Variants in OR4C11 observed in about 807,000 individuals in gnomAD.
OR4C11 encodes the protein olfactory receptor family 4 subfamily C member 11.
In OR4C11, 15 loss-of-function variants were observed where a neutral mutation model predicts 14.7. The observed-to-expected ratio is 1.02, with a 90% CI of 0.68 to 1.58. The LOEUF (loss-of-function observed/expected upper bound fraction) is 1.58. Among genes scored for constraint, OR4C11 ranks in the 40% most tolerant of loss-of-function variants. The probability of loss-of-function intolerance (pLI) is 0.00; values close to 1 mark genes in which losing one functional copy is unlikely to be tolerated. For synonymous variants in OR4C11, 146 were observed against 135.0 expected (o/e 1.08, Z -0.57); for missense variants, 473 against 383.0 (o/e 1.24, Z -1.96).
In OR4C11 at chr11:55,604,029, G is replaced by T. The variant is rs1025589753; in HGVS notation, c.345C>A (p.Leu115=). Residue 115 remains leucine, a synonymous_variant, in exon 4 of 4, where the codon CTC becomes CTA. Coordinates refer to ENST00000641580, the MANE Select transcript of OR4C11 (RefSeq NM_001004700.3). Reference sequence around the variant, plus strand: ...TGGCCACATAGCGATCAACAGCCATGAGAATGAGGACAAAGATCTCCATGC... The same window carrying T: ...TGGCCACATAGCGATCAACAGCCATTAGAATGAGGACAAAGATCTCCATGC... ...FGCMEIFVLI[L]MAVDRYVAIC... is the part of the protein sequence containing the mutation. The T allele has an allele frequency of 3.4e-6, 5 of 1,486,836 alleles. 1 individual carries two copies. Among genetic ancestry groups the T allele is most frequent in the Non-Finnish European group, 4.6e-6 (5 of 1,092,312 alleles). The allele number at this position is 1,486,836 out of a possible 1,614,324, so 92.1% of individuals were successfully genotyped here.
At position 55,604,204 on chromosome 11, in the gene OR4C11, A is replaced by T. The variant is rs142989729; in HGVS notation, c.170T>A (p.Met57Lys). 574 of 1,483,036 alleles carry T rather than the reference A, an allele frequency of 3.9e-4. 117 individuals are homozygous for T. The highest frequency in any genetic ancestry group is 5.1e-4 in the Non-Finnish European group (554 of 1,089,566). 91.9% of individuals were successfully genotyped at this position (1,483,036 alleles called of 1,614,324 possible). Residue 57 changes from methionine to lysine, a missense_variant, in exon 4 of 4, where the codon ATG (methionine) becomes AAG (lysine). Transcript: ENST00000641580. ...GGACAAATAAAATAGAAAGAAGTAC[A>T]TGGGGCTTCCTAGTGTCCGGCTGGA... is the stretch of plus-strand genomic sequence containing the variant. Reference protein sequence around the residue: ...IKSSRTLGSPMYFFLFYLSFA... With the variant: ...IKSSRTLGSPKYFFLFYLSFA...
intron 2 of OR4C11, 65 bp downstream of exon 2, chr11:55,606,457 T>C (rs567534571): frequency 7.2e-6 from 1 of 138,610 alleles, no homozygotes; most frequent in African/African-American, 2.5e-5. Flanking sequence ...AAATATTCAC[T>C]TTGGTAGTAT....
At position 55,602,926 on chromosome 11, in the gene OR4C11, G is replaced by A. The variant is rs1441604857; in HGVS notation, c.*515C>T. 1 of 139,024 alleles carries A rather than the reference G, an allele frequency of 7.2e-6. No individual in the cohort carries two copies. Among genetic ancestry groups the A allele is most frequent in the African/African-American group, 2.5e-5 (1 of 39,980 alleles). 8.6% of individuals were successfully genotyped at this position (139,024 alleles called of 1,614,324 possible). Reference sequence around the variant, plus strand: ...GAAGGAATTTGACATTTCTTTGTTGGTGCTCACAAATTTGAACACTTGTGA... The same window carrying A: ...GAAGGAATTTGACATTTCTTTGTTGATGCTCACAAATTTGAACACTTGTGA... On this transcript the variant is annotated 3_prime_UTR_variant, in exon 4 of 4. Coordinates refer to ENST00000641580, the MANE Select transcript of OR4C11 (RefSeq NM_001004700.3).
rs764854044 is a variant in OR4C11 at position 55,603,401 on chromosome 11, C to T, written c.*40G>A. On this transcript the variant is annotated 3_prime_UTR_variant, in exon 4 of 4. Transcript: ENST00000641580. ...GCTGTCTATACTTACTCTGTTAAAT[C>T]ATGATTTGACTGAAAAAGTAATCAG... The T allele has an allele frequency of 8.0e-6, 8 of 1,003,100 alleles. No homozygotes were observed. The African/African-American group carries it at 1.3e-4, about 16-fold the overall frequency. 62.1% of individuals were successfully genotyped at this position (1,003,100 alleles called of 1,614,324 possible).
chr11:55,604,013 AGC>A lies in OR4C11; in HGVS notation c.359_360del (p.Arg120LeufsTer6), dbSNP rs1857925247. 3 of 1,487,458 alleles carry A rather than the reference AGC, an allele frequency of 2.0e-6. No homozygotes were observed. Among genetic ancestry groups the A allele is most frequent in the Non-Finnish European group, 2.7e-6 (3 of 1,093,400 alleles). 92.1% of individuals were successfully genotyped at this position (1,487,458 alleles called of 1,614,324 possible). A position where few individuals can be genotyped will look rare whatever the true frequency, so the allele number is the denominator to read the frequency against. ...IFVLILMAVDRYVAICKPLRY... is the reference protein window; with the variant it reads ...IFVLILMAVDXYVAICKPLRY... ...CGCAAGGGCTTACAGATGGCCACAT[AGC>A]GATCAACAGCCATGAGAATGAGGAC... On this transcript the variant is annotated frameshift_variant, in exon 4 of 4. Coordinates refer to ENST00000641580, the MANE Select transcript of OR4C11 (RefSeq NM_001004700.3). LOFTEE classifies it high-confidence loss of function.
Position 55,605,194 on chromosome 11 carries a change from T to C in OR4C11, c.-113A>G, listed in dbSNP as rs1857944439. 7.2e-6 allele frequency: 1 copy of C among 139,092 alleles called. No homozygotes were observed. The highest frequency in any genetic ancestry group is 2.3e-4 in the South Asian group (1 of 4,344). The allele number at this position is 139,092 out of a possible 1,614,324, so 8.6% of individuals were successfully genotyped here. A position where few individuals can be genotyped will look rare whatever the true frequency, so the allele number is the denominator to read the frequency against. On this transcript the variant is annotated 5_prime_UTR_variant, in exon 3 of 4. Transcript: ENST00000641580. ...TATTATTCAACTTTGTACTGCTTTG[T>C]TATACTGTGTTGTCCAAAGTTAAAT...
rs541170733 is a variant in OR4C11 at position 55,607,092 on chromosome 11, C to G, written c.-365+195G>C. Among the ~76,000 whole-genome samples the G allele has an allele frequency of 2.2e-5, 3 of 138,340 alleles. 1 individual carries two copies. The highest frequency in any genetic ancestry group is 4.7e-4 in the East Asian group (2 of 4,220). The allele number at this position is 138,340 out of a possible 152,430, so 90.8% of individuals were successfully genotyped here. A position where few individuals can be genotyped will look rare whatever the true frequency, so the allele number is the denominator to read the frequency against. ...TTTAGCTGCATTAAGGAGAAGGAAG[C>G]CAGCATCCTACCGTGGGCGACATCA... is the stretch of plus-strand genomic sequence containing the variant. On this transcript the variant is annotated intron_variant, in intron 1 of 3. Coordinates refer to ENST00000641580, the MANE Select transcript of OR4C11 (RefSeq NM_001004700.3).
In OR4C11 at chr11:55,604,174, G is replaced by A; in HGVS notation, c.200C>T (p.Ala67Val). The change falls in exon 4 of 4, where the codon GCA becomes GTA. Residue 67 changes from alanine to valine, a missense_variant. Transcript: ENST00000641580. ...TGTGGAAGTTGAAAAGCAAGAATCTGCAAAGGACAAATAAAATAGAAAGAA... is the reference window on the plus strand; with the variant it reads ...TGTGGAAGTTGAAAAGCAAGAATCTACAAAGGACAAATAAAATAGAAAGAA... ...MYFFLFYLSF[A>V]DSCFSTSTAP... 3 of 1,473,446 alleles carry A rather than the reference G, an allele frequency of 2.0e-6. 1 individual carries two copies. The allele number at this position is 1,473,446 out of a possible 1,614,324, so 91.3% of individuals were successfully genotyped here. A position where few individuals can be genotyped will look rare whatever the true frequency, so the allele number is the denominator to read the frequency against.
chr11:55,603,954 G>A lies in OR4C11; in HGVS notation c.420C>T (p.Ile140=), dbSNP rs1205938479. 6 of 1,489,580 alleles carry A rather than the reference G, an allele frequency of 4.0e-6. 2 individuals are homozygous for A. Among genetic ancestry groups the A allele is most frequent in the Non-Finnish European group, 5.5e-6 (6 of 1,095,748 alleles). 92.3% of individuals were successfully genotyped at this position (1,489,580 alleles called of 1,614,324 possible). Residue 140 remains isoleucine, a synonymous_variant, in exon 4 of 4, where the codon ATC becomes ATT. Transcript: ENST00000641580. ...CTATCCAGGCAAGAACAATCAGGAT[G>A]ATGCAGACCTGCTGGCTCATGATGG... is the stretch of plus-strand genomic sequence containing the variant. ...YPTIMSQQVC[I]ILIVLAWIGS...
Position 55,607,105 on chromosome 11 carries a change from G to A in OR4C11, c.-365+182C>T, listed in dbSNP as rs576601226. On this transcript the variant is annotated intron_variant, in intron 1 of 3. Coordinates refer to ENST00000641580, the MANE Select transcript of OR4C11 (RefSeq NM_001004700.3). The stretch of plus-strand genomic sequence containing the variant: ...AGGAGAAGGAAGCCAGCATCCTACC[G>A]TGGGCGACATCATCACCTTCATGGA... Among the ~76,000 whole-genome samples, 15 of 138,116 alleles carry A rather than the reference G, an allele frequency of 1.1e-4. 3 individuals carry two copies. Among genetic ancestry groups the A allele is most frequent in the Admixed American group, 2.4e-4 (3 of 12,708 alleles). The allele number at this position is 138,116 out of a possible 152,430, so 90.6% of individuals were successfully genotyped here.
In OR4C11 at chr11:55,604,314, C is replaced by T. The variant is rs1329731539; in HGVS notation, c.60G>A (p.Leu20=). The T allele has an allele frequency of 1.1e-5, 16 of 1,425,972 alleles. 4 individuals are homozygous for T. In the East Asian group the frequency reaches 3.4e-4, roughly 30 times the overall value. 88.3% of individuals were successfully genotyped at this position (1,425,972 alleles called of 1,614,324 possible). A position where few individuals can be genotyped will look rare whatever the true frequency, so the allele number is the denominator to read the frequency against. The change falls in exon 4 of 4, where the codon TTG becomes TTA. Residue 20 remains leucine, a synonymous_variant. Transcript: ENST00000641580. Reference sequence around the variant, plus strand: ...AGATTACAAACACTATTTTCTGCCTCAAGGGATCCTGTGTTAATCCTAACA... The same window carrying T: ...AGATTACAAACACTATTTTCTGCCTTAAGGGATCCTGTGTTAATCCTAACA... ...FILLGLTQDP[L]RQKIVFVIFL...
intron 1 of OR4C11, among the ~76,000 whole-genome samples, chr11:55,607,044 T>C (rs1429450579): frequency 7.2e-6 from 1 of 138,762 alleles, no homozygotes; most frequent in Non-Finnish European, 1.6e-5. Flanking sequence ...ATCCAAATCA[T>C]TAATGTTTTA....
intron 3 of OR4C11, 42 bp from the exon 4 acceptor site, chr11:55,604,459 A>G: frequency 1.8e-6 from 1 of 558,572 alleles, no homozygotes; most frequent in Non-Finnish European, 2.9e-6. Flanking sequence ...TTTAGAGGTC[A>G]AATACATATT....
At chr11:55,605,564 T>C (rs1857950260) in intron 2 of OR4C11, among the ~76,000 whole-genome samples, 2 of 138,608 alleles carry the variant, frequency 1.4e-5, no homozygotes, top group South Asian at 2.3e-4. Context: ...CACATATATA[T>C]TCCAAATAGC....
chr11:55,602,604 G>C lies in OR4C11; in HGVS notation c.*837C>G, dbSNP rs1291038743. 1 of 138,040 alleles carries C rather than the reference G, an allele frequency of 7.2e-6. No individual in the cohort carries two copies. The highest frequency in any genetic ancestry group is 2.4e-4 in the East Asian group (1 of 4,184). The allele number at this position is 138,040 out of a possible 1,614,324, so 8.6% of individuals were successfully genotyped here. On this transcript the variant is annotated 3_prime_UTR_variant, in exon 4 of 4. Coordinates refer to ENST00000641580, the MANE Select transcript of OR4C11 (RefSeq NM_001004700.3). The stretch of plus-strand genomic sequence containing the variant: ...TTTAGGGAGAACCCACTAGAGACAA[G>C]TGTCCTGAGTGTTTTCTGAATTCCT...
At chr11:55,606,286 A>G (rs142468144) in intron 2 of OR4C11, among the ~76,000 whole-genome samples, 1 of 138,404 alleles carries the variant, frequency 7.2e-6, no homozygotes, top group Non-Finnish European at 1.6e-5. Context: ...TTGCATGCTT[A>G]GAATTGTAAC....
rs148062468 is a variant in OR4C11, at chr11:55,603,868, G to T, written c.506C>A (p.Pro169His). 63 of 1,491,420 alleles carry T rather than the reference G, an allele frequency of 4.2e-5. 5 individuals are homozygous for T. The African/African-American group carries it at 6.5e-4, about 15-fold the overall frequency. The allele number at this position is 1,491,420 out of a possible 1,614,324, so 92.4% of individuals were successfully genotyped here. A position where few individuals can be genotyped will look rare whatever the true frequency, so the allele number is the denominator to read the frequency against. The change falls in exon 4 of 4, where the codon CCC (proline) becomes CAC (histidine). Residue 169 changes from proline to histidine, a missense_variant. Physicochemically the swap from Pro to His is moderately conservative, Grantham distance 77. Coordinates refer to ENST00000641580, the MANE Select transcript of OR4C11 (RefSeq NM_001004700.3). ...ACAGCAATAATGATCAATCAAATAG[G>T]GTCCACAGAAAGGCAATCTTAAGGC... The part of the protein sequence containing the change: ...ILALRLPFCG[P>H]YLIDHYCCDL...
chr11:55,603,362 G>A lies in OR4C11; in HGVS notation c.*79C>T, dbSNP rs543152888. The A allele has an allele frequency of 2.8e-4, 191 of 694,102 alleles. 39 individuals carry two copies. In the South Asian group the frequency reaches 3.7e-3, roughly 13 times the overall value. 43.0% of individuals were successfully genotyped at this position (694,102 alleles called of 1,614,324 possible). A position where few individuals can be genotyped will look rare whatever the true frequency, so the allele number is the denominator to read the frequency against. ...GATATATTATTCCCACAGCATTCAG[G>A]TACTTTCCTATTTGCTGTCTATACT... is the stretch of plus-strand genomic sequence containing the variant. On this transcript the variant is annotated 3_prime_UTR_variant, in exon 4 of 4. Coordinates refer to ENST00000641580, the MANE Select transcript of OR4C11 (RefSeq NM_001004700.3).
chr11:55,604,108 A>C lies in OR4C11; in HGVS notation c.266T>G (p.Ile89Ser), dbSNP rs749406481. 6.7e-6 allele frequency: 10 copies of C among 1,483,876 alleles called. 3 individuals carry two copies. In the South Asian group the frequency reaches 1.2e-4, roughly 18 times the overall value. 91.9% of individuals were successfully genotyped at this position (1,483,876 alleles called of 1,614,324 possible). The change falls in exon 4 of 4, where the codon ATT becomes AGT. Residue 89 changes from isoleucine to serine, a missense_variant. Coordinates refer to ENST00000641580, the MANE Select transcript of OR4C11 (RefSeq NM_001004700.3). ...LIVDALSEKK[I>S]ITYNECMTQV... Reference sequence around the variant, plus strand: ...TGTCATGCACTCATTGTAGGTTATAATTTTCTTTTCAGAGAGAGCATCCAC... The same window carrying C: ...TGTCATGCACTCATTGTAGGTTATACTTTTCTTTTCAGAGAGAGCATCCAC...
Sources: gnomAD v4.1 joint callset for allele counts (sites outside exome capture counted in the v4.1 genomes callset) on GRCh38, gnomAD v4.1.1 for gene constraint, MANE v1.5 for transcripts, NCBI Gene and HGNC (gene_info 2026-07-23, HGNC 2026-07-21) for gene names.